TCF12: variants seen among roughly 807,000 people sequenced by gnomAD.
TCF12 encodes the protein transcription factor 12.
A neutral mutation model predicts 86.0 loss-of-function variants in TCF12; 45 were observed. That is an observed-to-expected ratio of 0.52 (90% confidence interval 0.41 to 0.67). TCF12 has a LOEUF of 0.67. TCF12 is among the 30% of genes least tolerant of loss of function. The probability of loss-of-function intolerance (pLI) is 0.00; values close to 1 mark genes in which losing one functional copy is unlikely to be tolerated. For synonymous variants in TCF12, 330 were observed against 299.6 expected (o/e 1.10, Z -1.05); for missense variants, 881 against 859.9 (o/e 1.02, Z -0.31).
At chr15:56,987,108 C>T (rs1164724248) in intron 3 of TCF12, among the ~76,000 whole-genome samples, 13 of 145,604 alleles carry the variant, frequency 8.9e-5, no homozygotes, top group Non-Finnish European at 1.8e-4. Context: ...TAATTAGTTG[C>T]TTTTTTTTTT....
Position 57,251,415 on chromosome 15 carries a change from C to T in TCF12, c.1180C>T (p.His394Tyr). Residue 394 changes from histidine (H) to tyrosine (Y), a missense_variant, in exon 14 of 21, where the codon CAC (histidine) becomes TAC (tyrosine). Physicochemically the swap from His to Tyr is moderately conservative, Grantham distance 83. Coordinates refer to ENST00000333725, the MANE Select transcript of TCF12 (RefSeq NM_207037.2). ...PSSPSYENSL[H>Y]SLKNRVEQQL... ...ATCCCCAAGCTATGAAAACTCACTC[C>T]ACTCCCTGGTAAGAGCCTCTTATAC... 6.2e-7 allele frequency: 1 copy of T among 1,613,874 alleles called. No homozygotes were observed. The highest frequency in any genetic ancestry group is 8.5e-7 in the Non-Finnish European group (1 of 1,179,848).
chr15:57,010,397 A>G (rs1174886098), intron 3 of TCF12, among the ~76,000 whole-genome samples: 2 of 152,190 alleles, frequency 1.3e-5, no homozygotes, highest in Non-Finnish European at 2.9e-5. Context: ...AAAATAAACA[A>G]GACATGCAGC....
intron 7 of TCF12, among the ~76,000 whole-genome samples, chr15:57,196,121 A>G (rs1438525331): frequency 6.6e-6 from 1 of 152,072 alleles, no homozygotes; most frequent in Non-Finnish European, 1.5e-5. Context: ...GGCCACCTCT[A>G]CATCCATGGG....
intron 3 of TCF12, among the ~76,000 whole-genome samples, chr15:57,056,116 G>GGTGTGTGTGTGTGTGTGT (rs137934114): frequency 1.7e-4 from 24 of 143,332 alleles, no homozygotes; most frequent in African/African-American, 6.2e-4. Flanking sequence ...TAGTTTTAGG[G>GGTGTGTGTGTGTGTGTGT]GTGTGTGTGT....
rs546774591 is a variant in TCF12, at chr15:57,164,967, C to T, written c.326-1435C>T. Among the ~76,000 whole-genome samples the T allele has an allele frequency of 2.0e-5, 3 of 152,330 alleles. No individual in the cohort carries two copies. The South Asian group carries it at 6.2e-4, about 32-fold the overall frequency. On this transcript the variant is annotated intron_variant, in intron 5 of 20. Transcript: ENST00000333725. The stretch of plus-strand genomic sequence containing the variant: ...AAGTGCTGGGATTGCAGGCGTGAGC[C>T]ACTGCCCCCCACCACAGCAAGAATT...
intron 3 of TCF12, among the ~76,000 whole-genome samples, chr15:57,050,548 C>T (rs1411732779): frequency 6.6e-6 from 1 of 152,060 alleles, no homozygotes; most frequent in African/African-American, 2.4e-5. Flanking sequence ...GTAGTTCTCT[C>T]CTACTTAGAG....
intron 3 of TCF12, among the ~76,000 whole-genome samples, chr15:57,037,803 G>T (rs576094009): frequency 6.6e-6 from 1 of 152,288 alleles, no homozygotes; most frequent in African/African-American, 2.4e-5. Flanking sequence ...TACACATGTG[G>T]TTTAATTAGA....
At chr15:57,089,136 C>T (rs1304469441) in intron 4 of TCF12, among the ~76,000 whole-genome samples, 1 of 152,174 alleles carries the variant, frequency 6.6e-6, no homozygotes, top group African/African-American at 2.4e-5. Context: ...CTCCCAGCAT[C>T]AGTTTGCACC....
chr15:57,252,927 CTTTTTT>C (rs57946842), intron 15 of TCF12, among the ~76,000 whole-genome samples: 2 of 89,750 alleles, frequency 2.2e-5, no homozygotes, highest in African/African-American at 3.9e-5. Context: ...ATAGGTTGTA[CTTTTTT>C]TTTTTTTTTT....
chr15:57,056,456 T>G (rs116446954), intron 3 of TCF12, among the ~76,000 whole-genome samples: 1,758 of 152,042 alleles, frequency 0.012, 31 homozygotes, highest in African/African-American at 0.04. Context: ...TTAGTTATTT[T>G]TAATTAATTT....
intron 5 of TCF12, among the ~76,000 whole-genome samples, chr15:57,154,437 C>T (rs1191819948): frequency 1.3e-5 from 2 of 152,110 alleles, no homozygotes; most frequent in Non-Finnish European, 2.9e-5. Context: ...ACCACTTTGC[C>T]CAAACCTTAG....
chr15:57,147,320 T>C (rs2053426330), intron 5 of TCF12, among the ~76,000 whole-genome samples: 1 of 152,256 alleles, frequency 6.6e-6, no homozygotes, highest in South Asian at 2.1e-4. Context: ...GTAATAGTTA[T>C]CTAACCCTTT....
intron 3 of TCF12, among the ~76,000 whole-genome samples, chr15:56,950,472 T>C (rs2061215430): frequency 6.6e-6 from 1 of 152,062 alleles, no homozygotes; most frequent in South Asian, 2.1e-4. Flanking sequence ...GTGATCTGCC[T>C]GCCTTGGCCT....
intron 3 of TCF12, among the ~76,000 whole-genome samples, chr15:56,981,688 C>T (rs1445423955): frequency 6.6e-6 from 1 of 152,112 alleles, no homozygotes; most frequent in Non-Finnish European, 1.5e-5. Flanking sequence ...AACTTAACTA[C>T]GAATAGCCTT....
At chr15:57,234,321 A>G (rs867081186) in intron 12 of TCF12, among the ~76,000 whole-genome samples, 1 of 152,260 alleles carries the variant, frequency 6.6e-6, no homozygotes, top group South Asian at 2.1e-4. Flanking sequence ...GAAGTCATCT[A>G]AAGCACCAAC....
intron 5 of TCF12, chr15:57,118,325 C>G (rs1184522881): frequency 6.6e-6 from 1 of 152,174 alleles, no homozygotes; most frequent in African/African-American, 2.4e-5. Context: ...TTTCTGTTAA[C>G]CCATGTTAAA....
intron 3 of TCF12, among the ~76,000 whole-genome samples, chr15:57,007,792 C>CTCTTTCTTTCTT (rs562497424): frequency 1.9e-5 from 1 of 52,536 alleles, no homozygotes; most frequent in African/African-American, 5.2e-5. Flanking sequence ...CTTTCTTTCT[C>CTCTTTCTTTCTT]TCTTTCTTTC....
chr15:57,211,580 A>G (rs117157012), intron 8 of TCF12, among the ~76,000 whole-genome samples: 2,252 of 152,260 alleles, frequency 0.015, 34 homozygotes, highest in Admixed American at 0.026. Flanking sequence ...TATGTTTTCA[A>G]ATTCCTTTTT....
chr15:57,056,285 C>T (rs990723863), intron 3 of TCF12, among the ~76,000 whole-genome samples: 2 of 151,814 alleles, frequency 1.3e-5, no homozygotes, highest in South Asian at 2.1e-4. Context: ...GGATTACAGG[C>T]GCCCACCACC....
Sources: allele counts gnomAD v4.1 joint callset (sites outside exome capture counted in the v4.1 genomes callset), GRCh38; gene constraint gnomAD v4.1.1; transcripts MANE v1.5; gene names NCBI Gene and HGNC (gene_info 2026-07-23, HGNC 2026-07-21).